The following PIK3C2G variants were observed in gnomAD, a reference collection of about 807,000 sequenced individuals.
PIK3C2G encodes phosphatidylinositol 3-kinase C2 domain-containing subunit gamma.
A neutral mutation model predicts 181.1 loss-of-function variants in PIK3C2G; 168 were observed. The ratio of observed to expected loss-of-function variants is 0.93; its 90% CI spans 0.82 to 1.05. PIK3C2G has a LOEUF of 1.05. PIK3C2G is among the 50% of genes least tolerant of loss of function. PIK3C2G has a pLI of 0.00. For synonymous variants in PIK3C2G, 573 were observed against 592.2 expected, an observed-to-expected ratio of 0.97 and a Z score of 0.47; for missense variants, 1,869 against 1,732.8, an observed-to-expected ratio of 1.08 and a Z score of -1.40.
intron 26 of PIK3C2G, among the ~76,000 whole-genome samples, chr12:18,561,041 T>G (rs2136327994): frequency 6.6e-6 from 1 of 152,320 alleles, no homozygotes; most frequent in African/African-American, 2.4e-5. Context: ...CAAACTAACT[T>G]TCAAGTATAA....
intron 1 of PIK3C2G, among the ~76,000 whole-genome samples, chr12:18,277,044 T>A (rs1375179933): frequency 6.6e-6 from 1 of 152,168 alleles, no homozygotes. Flanking sequence ...TTCACTTAAA[T>A]AAAAATAGTA....
intron 24 of PIK3C2G, among the ~76,000 whole-genome samples, chr12:18,528,482 A>G (rs1247506700): frequency 6.6e-6 from 1 of 152,214 alleles, no homozygotes; most frequent in African/African-American, 2.4e-5. Flanking sequence ...ACTAAGTCCC[A>G]CTAAGTTTTA....
intron 24 of PIK3C2G, among the ~76,000 whole-genome samples, chr12:18,534,037 C>G (rs1042432253): frequency 3.4e-5 from 5 of 148,822 alleles, no homozygotes; most frequent in Admixed American, 1.4e-4. Context: ...GCAACCTCCC[C>G]CTCCAGGGTT....
chr12:18,433,319 C>A (rs1946267450), intron 18 of PIK3C2G, among the ~76,000 whole-genome samples: 1 of 151,996 alleles, frequency 6.6e-6, no homozygotes, highest in South Asian at 2.1e-4. Context: ...TTCAGACCAG[C>A]CTGCCCAACA....
intron 14 of PIK3C2G, among the ~76,000 whole-genome samples, chr12:18,387,077 C>G (rs971952834): frequency 9.2e-5 from 14 of 152,210 alleles, no homozygotes; most frequent in Non-Finnish European, 1.9e-4. Context: ...TTCTTTATGT[C>G]TGTTCATGCC....
chr12:18,619,186 T>C (rs1197765218), intron 31 of PIK3C2G, among the ~76,000 whole-genome samples: 1 of 151,784 alleles, frequency 6.6e-6, no homozygotes, highest in Admixed American at 6.6e-5. Flanking sequence ...ATATGGTATA[T>C]GGAGGAATAG....
intron 31 of PIK3C2G, among the ~76,000 whole-genome samples, chr12:18,638,902 CAG>C (rs991854710): frequency 7.2e-6 from 1 of 137,954 alleles, no homozygotes; most frequent in Non-Finnish European, 1.5e-5. Context: ...ACAGATAAGA[CAG>C]AGAGTTAAAC....
At chr12:18,641,920 T>C (rs11044231) in intron 32 of PIK3C2G, among the ~76,000 whole-genome samples, 12,284 of 152,078 alleles carry the variant, frequency 0.081, 520 homozygotes, top group Middle Eastern at 0.15. Context: ...CAGCTAATTT[T>C]TGTATTTTTA....
Position 18,598,942 on chromosome 12 carries a change from A to C in PIK3C2G, c.4087+4373A>C, listed in dbSNP as rs1470754185. On this transcript the variant is annotated intron_variant, in intron 30 of 32. Coordinates refer to ENST00000538779, the MANE Select transcript of PIK3C2G (RefSeq NM_001288772.2). ...TCAGAGAAATGCAAATCAAAACCAC[A>C]ATGAGATACCATCTCACACCAGTTA... Among the ~76,000 whole-genome samples, 233 of 151,410 alleles carry C rather than the reference A, an allele frequency of 1.5e-3. 1 individual carries two copies. Among genetic ancestry groups the C allele is most frequent in the African/African-American group, 5.4e-3 (224 of 41,366 alleles).
chr12:18,338,542 A>C lies in PIK3C2G; in HGVS notation c.1389A>C (p.Lys463Asn). ...VNELSLILQR[K>N]GENFYQSSET... ...AACTAAGTCTAATTCTTCAGAGAAA[A>C]GGAGAGGTAAGTACATTCATTTATT... is the stretch of plus-strand genomic sequence containing the variant. The change falls in exon 9 of 33, where the codon AAA becomes AAC. Residue 463 changes from lysine (K) to asparagine (N), a missense_variant. Coordinates refer to ENST00000538779, the MANE Select transcript of PIK3C2G (RefSeq NM_001288772.2). The C allele has an allele frequency of 6.3e-7, 1 of 1,586,844 alleles. No homozygotes were observed. The highest frequency in any genetic ancestry group is 8.6e-7 in the Non-Finnish European group (1 of 1,158,066).
chr12:18,413,326 GA>G (rs747313512), intron 16 of PIK3C2G, among the ~76,000 whole-genome samples: 2 of 152,074 alleles, frequency 1.3e-5, no homozygotes, highest in Non-Finnish European at 2.9e-5. Flanking sequence ...ACACATTTGG[GA>G]AAATAAATTA....
At chr12:18,250,214 T>A (rs1948082268) in intron 1 of PIK3C2G, among the ~76,000 whole-genome samples, 1 of 152,034 alleles carries the variant, frequency 6.6e-6, no homozygotes. Context: ...CTAGGTAATA[T>A]AAAATGGCAC....
intron 8 of PIK3C2G, among the ~76,000 whole-genome samples, chr12:18,333,779 C>T (rs1938225216): frequency 6.6e-6 from 1 of 152,104 alleles, no homozygotes; most frequent in Non-Finnish European, 1.5e-5. Context: ...TGATAATTTT[C>T]ACTGTGTCTA....
intron 12 of PIK3C2G, 55 bp from the exon 13 acceptor site, chr12:18,371,125 A>C (rs939227799): frequency 1.4e-6 from 2 of 1,404,994 alleles, no homozygotes; most frequent in Non-Finnish European, 1.9e-6. Context: ...GAACATTTTC[A>C]TTAAAATATC....
At chr12:18,601,364 A>G (rs938679226) in intron 30 of PIK3C2G, among the ~76,000 whole-genome samples, 1 of 152,074 alleles carries the variant, frequency 6.6e-6, no homozygotes, top group Non-Finnish European at 1.5e-5. Context: ...ATAAGCCAGG[A>G]ACAGAAAGTT....
intron 25 of PIK3C2G, among the ~76,000 whole-genome samples, chr12:18,543,353 C>T (rs866326492): frequency 6.6e-5 from 10 of 151,594 alleles, no homozygotes; most frequent in South Asian, 2.1e-4. Flanking sequence ...CCGTTTACTC[C>T]GTTGATAGTT....
intron 5 of PIK3C2G, among the ~76,000 whole-genome samples, chr12:18,311,346 T>C (rs1334184606): frequency 6.6e-6 from 1 of 152,118 alleles, no homozygotes; most frequent in Non-Finnish European, 1.5e-5. Flanking sequence ...GTCATAAATA[T>C]TTTTAGTATA....
intron 29 of PIK3C2G, among the ~76,000 whole-genome samples, chr12:18,569,161 T>C (rs1945794769): frequency 6.6e-6 from 1 of 152,120 alleles, no homozygotes; most frequent in Non-Finnish European, 1.5e-5. Flanking sequence ...ACGCACCTTC[T>C]AACAATTTCT....
chr12:18,539,615 G>T (rs1944045242), intron 25 of PIK3C2G, among the ~76,000 whole-genome samples: 1 of 151,728 alleles, frequency 6.6e-6, no homozygotes, highest in Non-Finnish European at 1.5e-5. Context: ...GCATCATATT[G>T]GTCAGCACAG....
Sources: allele counts gnomAD v4.1 joint callset (sites outside exome capture counted in the v4.1 genomes callset), GRCh38; gene constraint gnomAD v4.1.1; transcripts MANE v1.5; gene names NCBI Gene and HGNC (gene_info 2026-07-23, HGNC 2026-07-21).